Variants in EXOSC9 observed in about 807,000 individuals in gnomAD.
EXOSC9 encodes exosome complex component RRP45.
Under a neutral mutation model 56.5 loss-of-function variants are expected in EXOSC9, and 38 were observed. The observed-to-expected ratio is 0.67, with a 90% CI of 0.52 to 0.88. The LOEUF (loss-of-function observed/expected upper bound fraction) is 0.88, where lower values mean the gene tolerates loss of function less well. Ranked by LOEUF, EXOSC9 falls within the 40% of genes least tolerant of loss-of-function variation. EXOSC9 has a pLI of 0.00. For synonymous variants in EXOSC9, 170 were observed against 170.8 expected, an observed-to-expected ratio of 0.99 and a Z score of 0.04; for missense variants, 559 against 530.5, an observed-to-expected ratio of 1.05 and a Z score of -0.53.
Position 121,801,345 on chromosome 4 carries a change from C to G in EXOSC9, c.-80C>G, listed in dbSNP as rs1040132555. ...GACGTAATTTTCCTGCGCCTCGGGGCGAGCAGCGGCGCGCAAGGAAAGATC... is the reference window on the plus strand; with the variant it reads ...GACGTAATTTTCCTGCGCCTCGGGGGGAGCAGCGGCGCGCAAGGAAAGATC... On this transcript the variant is annotated 5_prime_UTR_variant, in exon 1 of 12. Coordinates refer to ENST00000243498, the MANE Select transcript of EXOSC9 (RefSeq NM_005033.3). 7 of 1,379,110 alleles carry G rather than the reference C, an allele frequency of 5.1e-6. No individual in the cohort carries two copies. The highest frequency in any genetic ancestry group is 7.2e-6 in the Non-Finnish European group (7 of 966,444). 85.4% of individuals were successfully genotyped at this position (1,379,110 alleles called of 1,614,324 possible).
chr4:121,802,802 A>G lies in EXOSC9; in HGVS notation c.281+9A>G. On this transcript the variant is annotated intron_variant, in intron 3 of 11. Coordinates refer to ENST00000243498, the MANE Select transcript of EXOSC9 (RefSeq NM_005033.3). ...GCTTTCGAACCTGGCAGGTATTTAA[A>G]TCTTTTTCTTAAGTTGCTTTAGTCA... The G allele has an allele frequency of 6.2e-7, 1 of 1,613,344 alleles. No individual in the cohort carries two copies. Among genetic ancestry groups the G allele is most frequent in the Non-Finnish European group, 8.5e-7 (1 of 1,179,846 alleles).
intron 6 of EXOSC9, 192 bp from the exon 7 acceptor site, chr4:121,809,775 C>A: frequency 1.7e-6 from 1 of 599,172 alleles, no homozygotes; most frequent in Non-Finnish European, 3.0e-6. Flanking sequence ...GAGATACCCA[C>A]TTAGCATTCA....
At chr4:121,804,176 C>CTTTT (rs10707993) in intron 4 of EXOSC9, among the ~76,000 whole-genome samples, 8 of 121,214 alleles carry the variant, frequency 6.6e-5, no homozygotes, top group Non-Finnish European at 9.9e-5. Flanking sequence ...AACTAAAAAA[C>CTTTT]TTTTTTTTTT....
chr4:121,814,702 T>C (rs1424172776), intron 10 of EXOSC9: 1 of 152,160 alleles, frequency 6.6e-6, no homozygotes, highest in Non-Finnish European at 1.5e-5. Flanking sequence ...TAATACAAAA[T>C]TAAGCAGCCA....
Position 121,816,427 on chromosome 4 carries a change from CA to C in EXOSC9, c.1217del (p.Lys406ArgfsTer6). ...EEEMIILEPD[K>X]NPKKIRTQTT... ...AAGAAATGATCATTTTGGAACCAGA[CA>C]AGAATCCAAAGAAAATAAGGTAACA... On this transcript the variant is annotated frameshift_variant, in exon 11 of 12. Coordinates refer to ENST00000243498, the MANE Select transcript of EXOSC9 (RefSeq NM_005033.3). LOFTEE classifies it high-confidence loss of function. The C allele has an allele frequency of 6.4e-7, 1 of 1,574,574 alleles. No homozygotes were observed. Among genetic ancestry groups the C allele is most frequent in the South Asian group, 1.2e-5 (1 of 85,548 alleles).
chr4:121,813,131 A>G, intron 8 of EXOSC9, 103 bp from the exon 9 acceptor site: 1 of 1,089,446 alleles, frequency 9.2e-7, no homozygotes. Context: ...AATATTTTTC[A>G]TCCACCAAAG....
At chr4:121,803,047 T>G in intron 4 of EXOSC9, 30 bp downstream of exon 4, 6 of 1,401,104 alleles carry the variant, frequency 4.3e-6, no homozygotes, top group Non-Finnish European at 6.1e-6. Flanking sequence ...TTCTTAATCT[T>G]AGGATGAATA....
intron 11 of EXOSC9, 108 bp from the exon 12 acceptor site, chr4:121,816,664 A>T: frequency 8.7e-7 from 1 of 1,153,920 alleles, no homozygotes; most frequent in Non-Finnish European, 1.2e-6. Context: ...AGTCTTACTC[A>T]TAGCTGACAC....
chr4:121,816,474 T>C (rs762488495), intron 11 of EXOSC9, 27 bp downstream of exon 11: 1 of 1,365,318 alleles, frequency 7.3e-7, no homozygotes, highest in East Asian at 2.3e-5. Flanking sequence ...TTATTTCAAA[T>C]GTATACATAT....
At chr4:121,809,917 G>C in intron 6 of EXOSC9, 50 bp from the exon 7 acceptor site, 1 of 1,607,590 alleles carries the variant, frequency 6.2e-7, no homozygotes, top group Non-Finnish European at 8.5e-7. Flanking sequence ...CCAAGAAATG[G>C]TAAGCATTCG....
chr4:121,808,996 T>C (rs1197789936), intron 6 of EXOSC9, among the ~76,000 whole-genome samples: 1 of 151,704 alleles, frequency 6.6e-6, no homozygotes, highest in Non-Finnish European at 1.5e-5. Flanking sequence ...TTAAATTTTT[T>C]TTTTATTTTT....
At chr4:121,802,375 C>T (rs1244931985) in intron 2 of EXOSC9, among the ~76,000 whole-genome samples, 3 of 152,144 alleles carry the variant, frequency 2.0e-5, no homozygotes, top group African/African-American at 7.2e-5. Flanking sequence ...GGTTTTCATG[C>T]CATCTTGTAT....
chr4:121,809,706 A>G (rs1008111524), intron 6 of EXOSC9: 23 of 477,980 alleles, frequency 4.8e-5, no homozygotes, highest in African/African-American at 7.8e-5. Flanking sequence ...TTAGGTTTAG[A>G]TTATATATCA....
rs368538368 is a variant in EXOSC9, at chr4:121,801,376, C to T, written c.-49C>T. 8 of 1,558,984 alleles carry T rather than the reference C, an allele frequency of 5.1e-6. No individual in the cohort carries two copies. The South Asian group carries it at 5.6e-5, about 11-fold the overall frequency. ...GCGGCGCGCAAGGAAAGATCGGGTT[C>T]CGTTTTTCCCGCGGATTCTGGTGCC... On this transcript the variant is annotated 5_prime_UTR_variant, in exon 1 of 12. Coordinates refer to ENST00000243498, the MANE Select transcript of EXOSC9 (RefSeq NM_005033.3).
chr4:121,816,709 C>G (rs1293364028), intron 11 of EXOSC9, 63 bp from the exon 12 acceptor site: 1 of 1,472,722 alleles, frequency 6.8e-7, no homozygotes, highest in Non-Finnish European at 9.0e-7. Flanking sequence ...AGAAATGCCT[C>G]TTATTTCAAT....
intron 10 of EXOSC9, chr4:121,814,751 T>C (rs1452764912): frequency 1.3e-5 from 2 of 152,188 alleles, no homozygotes; most frequent in Non-Finnish European, 2.9e-5. Flanking sequence ...ATCGCAGTAT[T>C]AGAACATAAA....
At chr4:121,815,033 C>G (rs905768947) in intron 10 of EXOSC9, 1 of 152,112 alleles carries the variant, frequency 6.6e-6, no homozygotes, top group Non-Finnish European at 1.5e-5. Context: ...GAAATTATTG[C>G]TTATGAACAT....
chr4:121,802,829 A>G, intron 3 of EXOSC9, 36 bp downstream of exon 3: 1 of 1,613,338 alleles, frequency 6.2e-7, no homozygotes, highest in Non-Finnish European at 8.5e-7. Context: ...CTTTAGTCAT[A>G]GGAGAACCTA....
chr4:121,815,738 G>C (rs1383578703), intron 10 of EXOSC9: 1 of 989,076 alleles, frequency 1.0e-6, no homozygotes, highest in Non-Finnish European at 1.2e-6. Flanking sequence ...TTATTTCTTG[G>C]AATGTAAACT....
Sources: gnomAD v4.1 joint callset for allele counts (sites outside exome capture counted in the v4.1 genomes callset) on GRCh38, gnomAD v4.1.1 for gene constraint, MANE v1.5 for transcripts, NCBI Gene and HGNC (gene_info 2026-07-23, HGNC 2026-07-21) for gene names.